Variants in TBC1D31 observed in about 807,000 individuals in gnomAD.
TBC1D31 encodes TBC1 domain family member 31, also known as WD repeat domain 67.
In TBC1D31, 99 loss-of-function variants were observed where a neutral mutation model predicts 132.9. The ratio of observed to expected loss-of-function variants is 0.74; its 90% CI spans 0.63 to 0.88. TBC1D31 has a LOEUF of 0.88. Ranked by LOEUF, TBC1D31 falls within the 40% of genes least tolerant of loss-of-function variation. The pLI is 0.00. For missense variants in TBC1D31, 1,134 were observed against 1,256.6 expected (o/e 0.90, Z 1.48); for synonymous variants, 385 against 419.4 (o/e 0.92, Z 1.00).
intron 6 of TBC1D31, 123 bp downstream of exon 6, chr8:123,097,564 A>C: frequency 8.3e-7 from 1 of 1,199,314 alleles, no homozygotes; most frequent in South Asian, 1.7e-5. Context: ...AATTACAAAT[A>C]TGTTATTTTT....
intron 12 of TBC1D31, 40 bp downstream of exon 12, chr8:123,126,229 T>G (rs757546337): frequency 6.3e-7 from 1 of 1,582,896 alleles, no homozygotes; most frequent in Non-Finnish European, 8.6e-7. Flanking sequence ...TGCCTTATTT[T>G]GTAAGCTAAC....
intron 6 of TBC1D31, among the ~76,000 whole-genome samples, chr8:123,098,953 C>A (rs773822461): frequency 6.6e-6 from 1 of 152,210 alleles, no homozygotes; most frequent in Non-Finnish European, 1.5e-5. Flanking sequence ...TCCAAACTGC[C>A]TTTTACCATC....
chr8:123,160,307 T>C, the TBC1D31 span, among the ~76,000 whole-genome samples: 1 of 152,216 alleles, frequency 6.6e-6, no homozygotes, highest in Admixed American at 6.5e-5. Flanking sequence ...TGTATACCTT[T>C]GAACAGGTTT....
At chr8:123,149,643 A>G (rs955864429) in intron 20 of TBC1D31, among the ~76,000 whole-genome samples, 3 of 152,162 alleles carry the variant, frequency 2.0e-5, no homozygotes, top group African/African-American at 4.8e-5. Context: ...GTTCGGGTAA[A>G]ACTTGCCTAT....
intron 21 of TBC1D31, among the ~76,000 whole-genome samples, chr8:123,150,900 T>G (rs902747345): frequency 1.2e-4 from 18 of 152,384 alleles, no homozygotes; most frequent in African/African-American, 4.3e-4. Context: ...AACAAGATCT[T>G]TTGACTTCTT....
At chr8:123,102,268 T>G (rs1409449635) in intron 7 of TBC1D31, 2 of 456,694 alleles carry the variant, frequency 4.4e-6, no homozygotes, top group Admixed American at 2.3e-5. Context: ...TGCTCAAAAT[T>G]AATCACACAG....
At chr8:123,131,013 T>C (rs936953795) in intron 16 of TBC1D31, among the ~76,000 whole-genome samples, 2 of 152,040 alleles carry the variant, frequency 1.3e-5, no homozygotes, top group African/African-American at 4.8e-5. Context: ...ACATACAGAA[T>C]TAAAAATTGA....
At chr8:123,143,051 T>A (rs969866114) in intron 19 of TBC1D31, among the ~76,000 whole-genome samples, 1 of 152,184 alleles carries the variant, frequency 6.6e-6, no homozygotes, top group African/African-American at 2.4e-5. Context: ...TCAGCCTTTC[T>A]GCACCTCTTC....
At position 123,088,355 on chromosome 8, in the gene TBC1D31, T is replaced by G. The variant is rs187893688; in HGVS notation, c.519+4015T>G. Among the ~76,000 whole-genome samples the G allele has an allele frequency of 1.4e-4, 22 of 152,208 alleles. 1 individual carries two copies. The highest frequency in any genetic ancestry group is 7.2e-4 in the Admixed American group (11 of 15,280). On this transcript the variant is annotated intron_variant, in intron 4 of 21. Coordinates refer to ENST00000287380, the MANE Select transcript of TBC1D31 (RefSeq NM_145647.4). ...CCAGGTACCCAGCTACTCTGGAAGC[T>G]GAGGTGGGAGAATCCCCTGAGCCCC...
chr8:123,085,488 G>A (rs570566806), intron 4 of TBC1D31, among the ~76,000 whole-genome samples: 201 of 152,244 alleles, frequency 1.3e-3, no homozygotes, highest in African/African-American at 4.7e-3. Context: ...AGGCTGGAGT[G>A]CAGTGGTGTG....
chr8:123,164,681 C>T, the TBC1D31 span, among the ~76,000 whole-genome samples: 1 of 150,772 alleles, frequency 6.6e-6, no homozygotes, highest in Non-Finnish European at 1.5e-5. Flanking sequence ...GAGATAGCGC[C>T]AGTGTACTGC....
intron 20 of TBC1D31, among the ~76,000 whole-genome samples, chr8:123,147,894 A>C (rs1365449782): frequency 6.6e-6 from 1 of 152,004 alleles, no homozygotes; most frequent in Non-Finnish European, 1.5e-5. Flanking sequence ...TTGGGAGGCC[A>C]AGGTGGGCAG....
At chr8:123,114,927 T>C (rs1586655665) in intron 10 of TBC1D31, among the ~76,000 whole-genome samples, 1 of 152,242 alleles carries the variant, frequency 6.6e-6, no homozygotes. Flanking sequence ...TTTCTCTCAG[T>C]ATATGTAGGT....
At position 123,072,766 on chromosome 8, in the gene TBC1D31, C is replaced by A; in HGVS notation, c.-4C>A. The stretch of plus-strand genomic sequence containing the variant: ...GCCGCCGGCGGTCGTGGGCAAGCTT[C>A]GCCATGCAGAGCACTGACCTAGGCA... On this transcript the variant is annotated 5_prime_UTR_variant, in exon 1 of 22. Coordinates refer to ENST00000287380, the MANE Select transcript of TBC1D31 (RefSeq NM_145647.4). The A allele has an allele frequency of 6.4e-7, 1 of 1,560,880 alleles. No homozygotes were observed. The highest frequency in any genetic ancestry group is 8.7e-7 in the Non-Finnish European group (1 of 1,152,796).
intron 1 of TBC1D31, among the ~76,000 whole-genome samples, chr8:123,073,070 A>C (rs547554179): frequency 2.6e-5 from 4 of 152,248 alleles, no homozygotes; most frequent in Non-Finnish European, 5.9e-5. Context: ...GCGGAGCAGG[A>C]GGAGGCCGGT....
At chr8:123,126,739 C>A in intron 13 of TBC1D31, 52 bp downstream of exon 13, 1 of 1,487,758 alleles carries the variant, frequency 6.7e-7, no homozygotes, top group Non-Finnish European at 9.1e-7. Flanking sequence ...TTATTTCTCT[C>A]TATTTTTTTT....
At chr8:123,101,042 A>G (rs1381161536) in intron 7 of TBC1D31, 35 bp downstream of exon 7, 1 of 1,373,132 alleles carries the variant, frequency 7.3e-7, no homozygotes, top group Middle Eastern at 1.8e-4. Context: ...TCAGCTTTTT[A>G]TAAACACTTA....
At chr8:123,130,517 A>G (rs73339626) in intron 16 of TBC1D31, among the ~76,000 whole-genome samples, 184 bp downstream of exon 16, 10,303 of 152,142 alleles carry the variant, frequency 0.068, 435 homozygotes, top group Non-Finnish European at 0.092. Context: ...ATGGCTAAAT[A>G]TTTAAGAAAT....
chr8:123,140,861 T>C lies in TBC1D31; in HGVS notation c.2600T>C (p.Leu867Pro), dbSNP rs1821589320. 6.2e-7 allele frequency: 1 copy of C among 1,613,860 alleles called. No homozygotes were observed. Among genetic ancestry groups the C allele is most frequent in the Non-Finnish European group, 8.5e-7 (1 of 1,179,928 alleles). The part of the protein sequence containing the change: ...VDLEEHMFHK[L>P]IEAGETQSQK... ...CTTGAAGAACACATGTTTCATAAGC[T>C]GATAGAAGCAGGTGAAACCCAGAGC... Residue 867 changes from leucine to proline, a missense_variant, in exon 18 of 22, where the codon CTG (leucine) becomes CCG (proline). By Grantham distance (98) the Leu-to-Pro change is moderately conservative. Coordinates refer to ENST00000287380, the MANE Select transcript of TBC1D31 (RefSeq NM_145647.4).
Sources: gnomAD v4.1 joint callset for allele counts (sites outside exome capture counted in the v4.1 genomes callset) on GRCh38, gnomAD v4.1.1 for gene constraint, MANE v1.5 for transcripts, NCBI Gene and HGNC (gene_info 2026-07-23, HGNC 2026-07-21) for gene names.